BTRC: variants seen among roughly 807,000 people sequenced by gnomAD.
BTRC encodes the protein beta-transducin repeat containing E3 ubiquitin protein ligase, also known as F-box/WD repeat-containing protein 1A.
A neutral mutation model predicts 85.5 loss-of-function variants in BTRC; 42 were observed. That is an observed-to-expected ratio of 0.49 (90% CI 0.38 to 0.64). The LOEUF is 0.64. Among genes scored for constraint, BTRC ranks in the 30% least tolerant of loss-of-function variants. The pLI is 0.00. For missense variants in BTRC, 594 were observed against 743.5 expected, an observed-to-expected ratio of 0.80 and a Z score of 2.34; for synonymous variants, 255 against 263.3, an observed-to-expected ratio of 0.97 and a Z score of 0.30.
At chr10:101,388,589 A>G (rs917597657) in intron 1 of BTRC, among the ~76,000 whole-genome samples, 4 of 152,108 alleles carry the variant, frequency 2.6e-5, no homozygotes, top group Admixed American at 2.6e-4. Context: ...TCCTGGGTTC[A>G]AGTGATCCTC....
chr10:101,437,407 G>A (rs1245739392), intron 2 of BTRC, among the ~76,000 whole-genome samples: 1 of 152,040 alleles, frequency 6.6e-6, no homozygotes, highest in Non-Finnish European at 1.5e-5. Context: ...CCATCCATGT[G>A]TGCCTGTGCG....
chr10:101,419,441 C>A (rs543372760), intron 1 of BTRC, among the ~76,000 whole-genome samples: 2 of 152,038 alleles, frequency 1.3e-5, no homozygotes, highest in East Asian at 3.9e-4. Flanking sequence ...GGTTTTATTT[C>A]GAGAAAAAGC....
rs2062732516 is a variant in BTRC, at chr10:101,557,154, C to CTT, written c.*4032_*4033dup. The CTT allele has an allele frequency of 6.6e-6, 1 of 152,090 alleles. No homozygotes were observed. The highest frequency in any genetic ancestry group is 2.4e-5 in the African/African-American group (1 of 41,428). The allele number at this position is 152,090 out of a possible 1,614,324, so 9.4% of individuals were successfully genotyped here. On this transcript the variant is annotated 3_prime_UTR_variant, in exon 15 of 15. Transcript: ENST00000370187. ...GGTTCACCTCTTTGTTCTCTAGACT[C>CTT]TTAAGTACTGACTGCTTTGACTTTT...
chr10:101,411,213 C>T (rs902753191), intron 1 of BTRC, among the ~76,000 whole-genome samples: 1 of 151,862 alleles, frequency 6.6e-6, no homozygotes, highest in Non-Finnish European at 1.5e-5. Flanking sequence ...AGGCTGGTCT[C>T]GAACTCCTGA....
intron 2 of BTRC, among the ~76,000 whole-genome samples, chr10:101,445,626 T>A (rs1192869490): frequency 6.6e-6 from 1 of 152,300 alleles, no homozygotes; most frequent in East Asian, 1.9e-4. Context: ...TTTAAATCAG[T>A]TTGGAACCTC....
intron 4 of BTRC, among the ~76,000 whole-genome samples, chr10:101,494,438 A>G (rs1413302294): frequency 6.6e-6 from 1 of 152,224 alleles, no homozygotes; most frequent in East Asian, 1.9e-4. Context: ...TGAGGGATCC[A>G]TATGCTTTAA....
chr10:101,540,986 T>C (rs1001999747), intron 13 of BTRC, among the ~76,000 whole-genome samples: 2 of 152,346 alleles, frequency 1.3e-5, no homozygotes, highest in South Asian at 4.1e-4. Context: ...TTTTTAATGC[T>C]ATTGGAAAAG....
intron 2 of BTRC, among the ~76,000 whole-genome samples, chr10:101,432,267 A>AGTCT (rs1944422635): frequency 6.6e-6 from 1 of 151,720 alleles, no homozygotes; most frequent in African/African-American, 2.4e-5. Context: ...AGCTGAGACT[A>AGTCT]CAGGCACACG....
chr10:101,531,205 A>T, intron 6 of BTRC, 32 bp from the exon 7 acceptor site: 1 of 1,478,588 alleles, frequency 6.8e-7, no homozygotes, highest in Non-Finnish European at 9.4e-7. Context: ...TAATGTCATG[A>T]TTTTCACTGG....
chr10:101,459,260 G>A (rs551768545), intron 2 of BTRC, among the ~76,000 whole-genome samples: 2 of 152,284 alleles, frequency 1.3e-5, no homozygotes, highest in Admixed American at 6.5e-5. Flanking sequence ...TAACTGTGTT[G>A]CTGAGCTTTC....
At chr10:101,366,814 A>ATATATATTTATG (rs1421717810) in intron 1 of BTRC, among the ~76,000 whole-genome samples, 1 of 48,282 alleles carries the variant, frequency 2.1e-5, no homozygotes, top group African/African-American at 1.2e-4. Flanking sequence ...ATATATTTAT[A>ATATATATTTATG]TATATTAATA....
intron 3 of BTRC, among the ~76,000 whole-genome samples, chr10:101,464,347 A>C (rs1055699501): frequency 6.6e-6 from 1 of 152,208 alleles, no homozygotes; most frequent in African/African-American, 2.4e-5. Context: ...ATACAGATGG[A>C]CCAGCAGGTC....
At chr10:101,452,337 G>A (rs1483649009) in intron 2 of BTRC, among the ~76,000 whole-genome samples, 1 of 152,112 alleles carries the variant, frequency 6.6e-6, no homozygotes, top group Non-Finnish European at 1.5e-5. Context: ...CTTTAACAGT[G>A]TTCTGAATTG....
chr10:101,543,181 T>A (rs1314900089), intron 13 of BTRC, among the ~76,000 whole-genome samples: 1 of 152,172 alleles, frequency 6.6e-6, no homozygotes, highest in East Asian at 1.9e-4. Context: ...CCCAGCCACT[T>A]CTTGTATTTT....
At chr10:101,465,011 T>A (rs1002783392) in intron 3 of BTRC, among the ~76,000 whole-genome samples, 6 of 152,180 alleles carry the variant, frequency 3.9e-5, no homozygotes, top group Non-Finnish European at 8.8e-5. Context: ...TGATTTTTTT[T>A]AAGGTAGGAC....
upstream of BTRC, chr10:101,354,062 G>C (rs1235674837): frequency 2.4e-6 from 3 of 1,227,194 alleles, no homozygotes; most frequent in African/African-American, 3.1e-5. Flanking sequence ...GCCTGCGCCT[G>C]AGAGGTAAGA....
intron 2 of BTRC, among the ~76,000 whole-genome samples, chr10:101,444,471 T>G (rs1416186513): frequency 6.6e-6 from 1 of 152,160 alleles, no homozygotes; most frequent in Non-Finnish European, 1.5e-5. Flanking sequence ...ATATAAAAAT[T>G]CATAGAAACC....
chr10:101,520,540 G>T (rs959797328), intron 4 of BTRC, among the ~76,000 whole-genome samples: 3 of 152,188 alleles, frequency 2.0e-5, no homozygotes, highest in African/African-American at 7.2e-5. Flanking sequence ...AATATTTTAT[G>T]TTATGGAAAA....
At chr10:101,416,412 A>G (rs972238114) in intron 1 of BTRC, among the ~76,000 whole-genome samples, 2 of 152,224 alleles carry the variant, frequency 1.3e-5, no homozygotes, top group Non-Finnish European at 2.9e-5. Flanking sequence ...AGAGACTCTG[A>G]AATCATTCTT....
Sources: gnomAD v4.1 joint callset for allele counts (sites outside exome capture counted in the v4.1 genomes callset) on GRCh38, gnomAD v4.1.1 for gene constraint, MANE v1.5 for transcripts, NCBI Gene and HGNC (gene_info 2026-07-23, HGNC 2026-07-21) for gene names.